The following ALG12 variants were observed in gnomAD, a reference collection of about 807,000 sequenced individuals.
ALG12 encodes the protein ALG12 alpha-1,6-mannosyltransferase, also known as dol-P-Man:Man(7)GlcNAc(2)-PP-Dol alpha-1,6-mannosyltransferase.
Under a neutral mutation model 46.0 loss-of-function variants are expected in ALG12, and 36 were observed. The observed-to-expected ratio is 0.78, with a 90% CI of 0.60 to 1.03. The LOEUF is 1.03. Among genes scored for constraint, ALG12 ranks in the 50% least tolerant of loss-of-function variants. The pLI is 0.00. For synonymous variants in ALG12, 326 were observed against 291.6 expected (o/e 1.12, Z -1.20); for missense variants, 599 against 633.5 (o/e 0.95, Z 0.58).
chr22:49,904,602 C>A (rs1601819081), intron 7 of ALG12, 96 bp from the exon 8 acceptor site: 1 of 1,392,720 alleles, frequency 7.2e-7, no homozygotes, highest in East Asian at 2.4e-5. Context: ...TGCTGTTCAA[C>A]TTCACCAAGT....
rs1160647104 is a variant in ALG12, at chr22:49,902,715, C to G, written c.*1123G>C. 2 of 95,632 alleles carry G rather than the reference C, an allele frequency of 2.1e-5. No homozygotes were observed. Among genetic ancestry groups the G allele is most frequent in the Admixed American group, 1.0e-4 (1 of 9,652 alleles). 5.9% of individuals were successfully genotyped at this position (95,632 alleles called of 1,614,324 possible). On this transcript the variant is annotated 3_prime_UTR_variant, in exon 10 of 10. Transcript: ENST00000330817. ...TATGCATAGTGTGTGCACGTGTGCA[C>G]TGTGTGTGGATGCATGGTAATGTGC... is the stretch of plus-strand genomic sequence containing the variant.
chr22:49,882,668 G>A, the ALG12 span, among the ~76,000 whole-genome samples: 2 of 152,054 alleles, frequency 1.3e-5, no homozygotes, highest in Non-Finnish European at 2.9e-5. Context: ...CACTTCCAGC[G>A]TTTACCATAG....
chr22:49,913,160 C>T (rs1295799755), intron 3 of ALG12, among the ~76,000 whole-genome samples: 1 of 152,206 alleles, frequency 6.6e-6, no homozygotes, highest in East Asian at 1.9e-4. Flanking sequence ...TTGTACCTGC[C>T]GTCACCCCTA....
chr22:49,875,514 G>A, the ALG12 span, among the ~76,000 whole-genome samples: 6 of 151,146 alleles, frequency 4.0e-5, no homozygotes, highest in South Asian at 2.1e-4. Flanking sequence ...TCCACCTCCC[G>A]GGTTCCAGGG....
intron 4 of ALG12, 70 bp downstream of exon 4, chr22:49,910,364 T>C: frequency 2.6e-6 from 4 of 1,564,354 alleles, no homozygotes; most frequent in Non-Finnish European, 3.5e-6. Flanking sequence ...TGCCATCAGC[T>C]GCACAGCCCG....
the ALG12 span, among the ~76,000 whole-genome samples, chr22:49,876,680 C>T: frequency 6.6e-6 from 1 of 152,150 alleles, no homozygotes; most frequent in Non-Finnish European, 1.5e-5. Flanking sequence ...GCAGTGCTTG[C>T]AGCTGCAGCG....
the ALG12 span, chr22:49,884,937 G>C: frequency 8.1e-6 from 13 of 1,608,260 alleles, no homozygotes; most frequent in Non-Finnish European, 1.0e-5. Context: ...AGGCCTCGGC[G>C]TCCTCTCCTG....
rs2060543195 is a variant in ALG12, at chr22:49,906,591, C to G, written c.992+1130G>C. Among the ~76,000 whole-genome samples, 1 of 152,194 alleles carries G rather than the reference C, an allele frequency of 6.6e-6. No homozygotes were observed. Among genetic ancestry groups the G allele is most frequent in the African/African-American group, 2.4e-5 (1 of 41,440 alleles). On this transcript the variant is annotated intron_variant, in intron 7 of 9. Transcript: ENST00000330817. The surrounding 1 kb of genome is among the most constrained non-coding windows in gnomAD (Gnocchi z 4.4). Reference sequence around the variant, plus strand: ...TGTAACAAGTGGCACCGGAAAGCACCTGACCGCTGCCTGAGATCAGGGACC... The same window carrying G: ...TGTAACAAGTGGCACCGGAAAGCACGTGACCGCTGCCTGAGATCAGGGACC...
chr22:49,873,050 C>G, the ALG12 span, among the ~76,000 whole-genome samples: 2 of 152,184 alleles, frequency 1.3e-5, no homozygotes, highest in African/African-American at 4.8e-5. Flanking sequence ...AGGCTGGTCA[C>G]AAACTCCTGA....
chr22:49,871,515 A>G, the ALG12 span, among the ~76,000 whole-genome samples: 1 of 151,998 alleles, frequency 6.6e-6, no homozygotes, highest in South Asian at 2.1e-4. Context: ...TTTCAGTATA[A>G]TGTAGTCTGG....
In ALG12 at chr22:49,910,450, C is replaced by G; in HGVS notation, c.453G>C (p.Val151=). Residue 151 remains valine (V), a synonymous_variant, in exon 4 of 10, where the codon GTG becomes GTC. Coordinates refer to ENST00000330817, the MANE Select transcript of ALG12 (RefSeq NM_024105.4). ...GCTACGTACCTACAGGCAGGGCCAG[C>G]ACATTGGGCAGTGTCCGCGTGCAGT... is the stretch of plus-strand genomic sequence containing the variant. The part of the protein sequence containing the change: ...MFYCTRTLPN[V]LALPVVLLAL... 6.2e-7 allele frequency: 1 copy of G among 1,613,522 alleles called. No individual in the cohort carries two copies.
the ALG12 span, among the ~76,000 whole-genome samples, chr22:49,877,138 G>A: frequency 6.6e-6 from 1 of 152,066 alleles, no homozygotes; most frequent in Admixed American, 6.6e-5. Flanking sequence ...TCCTAAACGA[G>A]AAAAAGATTA....
intron 6 of ALG12, among the ~76,000 whole-genome samples, chr22:49,908,216 A>G (rs1232983895): frequency 1.3e-5 from 2 of 152,260 alleles, no homozygotes; most frequent in Admixed American, 6.5e-5. Context: ...CGGTCTCTGT[A>G]CCCTTTTCTT....
chr22:49,884,357 C>T, the ALG12 span: 2 of 1,612,978 alleles, frequency 1.2e-6, no homozygotes, highest in African/African-American at 2.7e-5. Context: ...GTAGTTTCTT[C>T]TGAAGAAATC....
chr22:49,880,406 C>T, the ALG12 span, among the ~76,000 whole-genome samples: 3 of 152,190 alleles, frequency 2.0e-5, no homozygotes, highest in Non-Finnish European at 2.9e-5. Context: ...CTCCCGCGCT[C>T]GGGACATGCT....
At chr22:49,916,534 C>T (rs941688338) in intron 1 of ALG12, among the ~76,000 whole-genome samples, 6 of 152,062 alleles carry the variant, frequency 3.9e-5, no homozygotes, top group Non-Finnish European at 5.9e-5. Flanking sequence ...AAGCCAAGAT[C>T]GCACCACTGT....
chr22:49,870,147 G>A, the ALG12 span, among the ~76,000 whole-genome samples: 1 of 152,180 alleles, frequency 6.6e-6, no homozygotes, highest in Non-Finnish European at 1.5e-5. Flanking sequence ...TGCTGCAAGG[G>A]ACATGATTTT....
the ALG12 span, chr22:49,887,134 AT>A: frequency 6.2e-7 from 1 of 1,613,428 alleles, no homozygotes; most frequent in Non-Finnish European, 8.5e-7. Context: ...TGAAAAACTT[AT>A]CTTTTTGAAA....
At chr22:49,892,187 CAAAAAA>C in the ALG12 span, among the ~76,000 whole-genome samples, 47 of 55,332 alleles carry the variant, frequency 8.5e-4, no homozygotes, top group African/African-American at 2.5e-3. Context: ...GACTCTGTCT[CAAAAAA>C]AAAAAAAAAA....
Sources: gnomAD v4.1 joint callset for allele counts (sites outside exome capture counted in the v4.1 genomes callset) on GRCh38, gnomAD v4.1.1 for gene constraint, Gnocchi (gnomAD v3.1) non-coding constraint, MANE v1.5 for transcripts, NCBI Gene and HGNC (gene_info 2026-07-23, HGNC 2026-07-21) for gene names.